The following NAALADL2 variants were observed in gnomAD, a reference collection of about 807,000 sequenced individuals.
The protein encoded by NAALADL2 is inactive N-acetylated-alpha-linked acidic dipeptidase-like protein 2.
In NAALADL2, 76 loss-of-function variants were observed where a neutral mutation model predicts 87.2. The observed-to-expected ratio is 0.87, with a 90% CI of 0.72 to 1.05. The LOEUF is 1.05. Among genes scored for constraint, NAALADL2 ranks in the 50% least tolerant of loss-of-function variants. The probability of loss-of-function intolerance (pLI) is 0.00; values close to 1 mark genes in which losing one functional copy is unlikely to be tolerated. For missense variants in NAALADL2, 1,089 were observed against 945.8 expected, an observed-to-expected ratio of 1.15 and a Z score of -1.99; for synonymous variants, 354 against 331.0, an observed-to-expected ratio of 1.07 and a Z score of -0.75.
chr3:175,188,196 A>T (rs531666367), intron 2 of NAALADL2, among the ~76,000 whole-genome samples: 2 of 152,292 alleles, frequency 1.3e-5, no homozygotes, highest in South Asian at 4.1e-4. Context: ...AATACCTGGC[A>T]GCAGTGATAA....
intron 2 of NAALADL2, among the ~76,000 whole-genome samples, chr3:175,143,867 A>G (rs1037242612): frequency 1.3e-5 from 2 of 151,948 alleles, no homozygotes; most frequent in Non-Finnish European, 2.9e-5. Context: ...AATACAGTAT[A>G]TTTAACCTCA....
chr3:174,981,510 G>T (rs900064600), intron 1 of NAALADL2, among the ~76,000 whole-genome samples: 2 of 152,136 alleles, frequency 1.3e-5, no homozygotes, highest in African/African-American at 4.8e-5. Context: ...CCGCCAAAAG[G>T]TGGTACTTGG....
At chr3:174,487,419 A>G (rs1717921639) in intron 1 of NAALADL2, among the ~76,000 whole-genome samples, 1 of 152,088 alleles carries the variant, frequency 6.6e-6, no homozygotes, top group Admixed American at 6.6e-5. Flanking sequence ...AGAGAAAAGT[A>G]ATACTTGGGC....
At chr3:174,798,362 C>G (rs940159356) in intron 3 of NAALADL2, among the ~76,000 whole-genome samples, 1 of 152,148 alleles carries the variant, frequency 6.6e-6, no homozygotes, top group African/African-American at 2.4e-5. Context: ...TTGGAACTGT[C>G]AGTCCTACAG....
At chr3:174,466,990 A>G (rs1326903145) in intron 1 of NAALADL2, among the ~76,000 whole-genome samples, 1 of 152,218 alleles carries the variant, frequency 6.6e-6, no homozygotes, top group East Asian at 1.9e-4. Flanking sequence ...GTCTTAGATT[A>G]ATGAAAGCAG....
intron 1 of NAALADL2, among the ~76,000 whole-genome samples, chr3:174,897,241 G>C (rs1262471142): frequency 6.6e-6 from 1 of 152,030 alleles, no homozygotes; most frequent in Admixed American, 6.5e-5. Context: ...CCCATAGAAT[G>C]GGAGAATATA....
intron 5 of NAALADL2, among the ~76,000 whole-genome samples, chr3:175,415,098 C>T (rs537490508): frequency 3.3e-5 from 5 of 152,122 alleles, no homozygotes; most frequent in African/African-American, 1.2e-4. Flanking sequence ...AGCCTAATTG[C>T]CCTCATTTAT....
intron 1 of NAALADL2, among the ~76,000 whole-genome samples, chr3:174,514,957 A>G (rs887079027): frequency 2.6e-5 from 4 of 152,096 alleles, no homozygotes; most frequent in African/African-American, 9.6e-5. Flanking sequence ...TACCTAGTTG[A>G]GGTCATAGAA....
intron 3 of NAALADL2, among the ~76,000 whole-genome samples, chr3:174,751,018 T>A (rs990945573): frequency 2.0e-5 from 3 of 152,166 alleles, no homozygotes; most frequent in South Asian, 2.1e-4. Flanking sequence ...TTATAATAGT[T>A]GTACCTCTTC....
chr3:174,971,360 C>T (rs77594385), intron 1 of NAALADL2, among the ~76,000 whole-genome samples: 2,521 of 152,218 alleles, frequency 0.017, 32 homozygotes, highest in Non-Finnish European at 0.025. Flanking sequence ...TTTCTTTCTT[C>T]GTGGTGTCCT....
intron 5 of NAALADL2, among the ~76,000 whole-genome samples, chr3:175,327,346 G>A (rs1201109784): frequency 6.6e-6 from 1 of 151,702 alleles, no homozygotes; most frequent in Non-Finnish European, 1.5e-5. Context: ...TAGTAGAGAC[G>A]GGGTTTCACC....
At chr3:174,829,403 A>G (rs1722377002) in intron 3 of NAALADL2, among the ~76,000 whole-genome samples, 1 of 148,886 alleles carries the variant, frequency 6.7e-6, no homozygotes, top group African/African-American at 2.5e-5. Context: ...ACTGAGAATG[A>G]TGGTTTCCAA....
chr3:175,018,186 C>A (rs549781732), intron 1 of NAALADL2, among the ~76,000 whole-genome samples: 2 of 152,112 alleles, frequency 1.3e-5, no homozygotes, highest in African/African-American at 4.8e-5. Context: ...TCCATGTTCA[C>A]GGCTCTTATA....
At chr3:175,333,674 G>A (rs1157425706) in intron 5 of NAALADL2, among the ~76,000 whole-genome samples, 1 of 148,880 alleles carries the variant, frequency 6.7e-6, no homozygotes, top group Non-Finnish European at 1.5e-5. Context: ...TGTGGGTAGA[G>A]GTGTGGTGGG....
intron 9 of NAALADL2, among the ~76,000 whole-genome samples, chr3:175,541,907 G>T (rs750863802): frequency 6.6e-6 from 1 of 152,150 alleles, no homozygotes; most frequent in Admixed American, 6.5e-5. Flanking sequence ...TTTTAGAAGA[G>T]ATGGGGTTTC....
chr3:175,510,106 T>G (rs568742897), intron 9 of NAALADL2, among the ~76,000 whole-genome samples: 1 of 151,832 alleles, frequency 6.6e-6, no homozygotes, highest in African/African-American at 2.4e-5. Context: ...GGTGTTTGGT[T>G]TTTTTTTCTT....
chr3:175,666,529 C>A (rs1273453163), intron 11 of NAALADL2, among the ~76,000 whole-genome samples: 1 of 152,066 alleles, frequency 6.6e-6, no homozygotes, highest in Non-Finnish European at 1.5e-5. Flanking sequence ...AAATCGTGTG[C>A]ATATCCAGGC....
chr3:175,661,289 A>ATTTG (rs200320480), intron 11 of NAALADL2, among the ~76,000 whole-genome samples: 1 of 147,796 alleles, frequency 6.8e-6, no homozygotes, highest in Non-Finnish European at 1.5e-5. Flanking sequence ...GATGATTTGT[A>ATTTG]TTTGTTTGTT....
At chr3:174,566,749 A>G (rs1273830481) in intron 2 of NAALADL2, among the ~76,000 whole-genome samples, 3 of 150,698 alleles carry the variant, frequency 2.0e-5, no homozygotes, top group East Asian at 3.9e-4. Context: ...TCTGTTTTTA[A>G]AAGTTTTCCT....
Sources: allele counts gnomAD v4.1 joint callset (sites outside exome capture counted in the v4.1 genomes callset), GRCh38; gene constraint gnomAD v4.1.1; transcripts MANE v1.5; gene names NCBI Gene and HGNC (gene_info 2026-07-23, HGNC 2026-07-21).